The following OPCML variants were observed in gnomAD, a reference collection of about 807,000 sequenced individuals.
OPCML encodes opioid binding protein/cell adhesion molecule like.
A neutral mutation model predicts 37.8 loss-of-function variants in OPCML; 13 were observed. That is an observed-to-expected ratio of 0.34 (90% confidence interval 0.22 to 0.55). The LOEUF is 0.55. Ranked by LOEUF, OPCML falls within the 20% of genes least tolerant of loss-of-function variation. The probability of loss-of-function intolerance (pLI) is 0.91; values close to 1 mark genes in which losing one functional copy is unlikely to be tolerated. For missense variants in OPCML, 341 were observed against 435.6 expected, an observed-to-expected ratio of 0.78 and a Z score of 1.93; for synonymous variants, 176 against 168.8, an observed-to-expected ratio of 1.04 and a Z score of -0.33.
intron 2 of OPCML, among the ~76,000 whole-genome samples, chr11:132,758,697 T>G (rs1306625858): frequency 1.3e-5 from 2 of 152,220 alleles, no homozygotes; most frequent in African/African-American, 2.4e-5. Flanking sequence ...AAGGAGTTTT[T>G]GGGCTTAAAC....
At chr11:132,694,198 T>C in intron 2 of OPCML, among the ~76,000 whole-genome samples, 1 of 132,632 alleles carries the variant, frequency 7.5e-6, no homozygotes, top group South Asian at 2.6e-4. Context: ...TTTTTTTTTT[T>C]TTTTTTTTTT....
At chr11:132,559,257 TAAAG>T (rs2096405128) in intron 3 of OPCML, among the ~76,000 whole-genome samples, 1 of 151,718 alleles carries the variant, frequency 6.6e-6, no homozygotes, top group Non-Finnish European at 1.5e-5. Flanking sequence ...CTTGGGCCCT[TAAAG>T]GAAGCAGGTC....
intron 1 of OPCML, among the ~76,000 whole-genome samples, chr11:133,330,235 G>T (rs534124523): frequency 6.6e-6 from 1 of 152,168 alleles, no homozygotes; most frequent in Non-Finnish European, 1.5e-5. Flanking sequence ...TACACTGTTG[G>T]TGGGACTGTA....
intron 4 of OPCML, among the ~76,000 whole-genome samples, chr11:132,483,824 C>G (rs1196935020): frequency 6.6e-6 from 1 of 151,562 alleles, no homozygotes; most frequent in Non-Finnish European, 1.5e-5. Context: ...GGAAAGGATT[C>G]CCTATTTAAT....
intron 2 of OPCML, among the ~76,000 whole-genome samples, chr11:132,735,124 C>T (rs908905999): frequency 2.0e-5 from 3 of 152,006 alleles, no homozygotes; most frequent in African/African-American, 7.2e-5. Flanking sequence ...GGACCCAGAG[C>T]GTACTGGTTT....
intron 2 of OPCML, among the ~76,000 whole-genome samples, chr11:132,709,427 A>G (rs1040817105): frequency 8.5e-5 from 13 of 152,172 alleles, no homozygotes; most frequent in African/African-American, 3.1e-4. Context: ...CTAAACTGCA[A>G]ACTTCATTAT....
chr11:133,266,095 A>C (rs1471083875), intron 1 of OPCML, among the ~76,000 whole-genome samples: 2 of 152,212 alleles, frequency 1.3e-5, no homozygotes, highest in African/African-American at 4.8e-5. Flanking sequence ...ATCTCAAGTC[A>C]GGGTAACCAA....
intron 1 of OPCML, among the ~76,000 whole-genome samples, chr11:133,048,727 G>A (rs948417745): frequency 2.6e-5 from 4 of 152,190 alleles, no homozygotes; most frequent in African/African-American, 4.8e-5. Flanking sequence ...GAGATGCTTT[G>A]CTGTTATGCC....
chr11:133,390,390 G>A (rs981412408), intron 1 of OPCML, among the ~76,000 whole-genome samples: 1 of 152,198 alleles, frequency 6.6e-6, no homozygotes, highest in South Asian at 2.1e-4. Flanking sequence ...GTGAACCCGG[G>A]AGGTGGAGCT....
chr11:132,845,153 G>C (rs916461902), intron 2 of OPCML, among the ~76,000 whole-genome samples: 2 of 151,972 alleles, frequency 1.3e-5, no homozygotes, highest in Non-Finnish European at 2.9e-5. Context: ...ACTCTAGCTC[G>C]TTACTTGGCA....
chr11:133,450,755 G>T lies in OPCML; in HGVS notation c.61+81509C>A, dbSNP rs192043615. On this transcript the variant is annotated intron_variant, in intron 1 of 7. Coordinates refer to ENST00000524381, the MANE Select transcript of OPCML (RefSeq NM_001012393.5). ...AAGACAGTATAGGCAAAGAAAAGAG[G>T]TGGTGGTCCTATTGGAGTGACAGTT... Among the ~76,000 whole-genome samples, 506 of 151,664 alleles carry T rather than the reference G, an allele frequency of 3.3e-3. 21 individuals carry two copies. The highest frequency in any genetic ancestry group is 0.011 in the African/African-American group (456 of 41,002).
chr11:132,640,247 G>T (rs954121698), intron 3 of OPCML, among the ~76,000 whole-genome samples: 14 of 152,186 alleles, frequency 9.2e-5, no homozygotes, highest in Admixed American at 9.2e-4. Flanking sequence ...AAGGCAATGA[G>T]CAGTGTGGGT....
chr11:132,744,643 G>T (rs966225343), intron 2 of OPCML, among the ~76,000 whole-genome samples: 1 of 152,184 alleles, frequency 6.6e-6, no homozygotes, highest in African/African-American at 2.4e-5. Context: ...TTGACTAAAA[G>T]TTAGCCTGCA....
intron 1 of OPCML, among the ~76,000 whole-genome samples, chr11:133,062,813 C>T (rs1015819849): frequency 2.0e-5 from 3 of 152,226 alleles, no homozygotes; most frequent in Non-Finnish European, 4.4e-5. Context: ...AGCATCGTTC[C>T]CGCCCCTGAG....
chr11:133,380,418 T>G (rs1944906452), intron 1 of OPCML, among the ~76,000 whole-genome samples: 1 of 152,188 alleles, frequency 6.6e-6, no homozygotes, highest in Non-Finnish European at 1.5e-5. Flanking sequence ...TGCTCTTTTG[T>G]CTATTTCTCC....
At chr11:133,288,496 C>T (rs569602074) in intron 1 of OPCML, among the ~76,000 whole-genome samples, 34 of 152,326 alleles carry the variant, frequency 2.2e-4, no homozygotes, top group African/African-American at 8.2e-4. Flanking sequence ...GCAGGCTCAA[C>T]CACGAACCTG....
intron 3 of OPCML, among the ~76,000 whole-genome samples, chr11:132,629,861 G>A (rs1939984372): frequency 6.6e-6 from 1 of 152,036 alleles, no homozygotes; most frequent in South Asian, 2.1e-4. Context: ...AAAATAAAAG[G>A]CACTAATAAG....
chr11:133,310,449 C>T (rs540013987), intron 1 of OPCML, among the ~76,000 whole-genome samples: 1 of 152,092 alleles, frequency 6.6e-6, no homozygotes, highest in South Asian at 2.1e-4. Context: ...AGGTAATTGG[C>T]AGAATGGATA....
At chr11:133,466,287 C>T (rs1946975863) in intron 1 of OPCML, among the ~76,000 whole-genome samples, 1 of 152,170 alleles carries the variant, frequency 6.6e-6, no homozygotes, top group Non-Finnish European at 1.5e-5. Context: ...GAACACTTAA[C>T]AGTATAATCC....
Sources: gnomAD v4.1 joint callset for allele counts (sites outside exome capture counted in the v4.1 genomes callset) on GRCh38, gnomAD v4.1.1 for gene constraint, MANE v1.5 for transcripts, NCBI Gene and HGNC (gene_info 2026-07-23, HGNC 2026-07-21) for gene names.